EFNA2: variants seen among roughly 807,000 people sequenced by gnomAD.
The protein encoded by EFNA2 is ephrin A2.
A neutral mutation model predicts 19.7 loss-of-function variants in EFNA2; 18 were observed. That is an observed-to-expected ratio of 0.91 (90% CI 0.63 to 1.35). EFNA2 has a LOEUF of 1.35. Ranked by LOEUF, EFNA2 falls within the 40% of genes most tolerant of loss-of-function variation. EFNA2 has a pLI of 0.00. For missense variants in EFNA2, 303 were observed against 296.0 expected (o/e 1.02, Z -0.17); for synonymous variants, 187 against 137.8 (o/e 1.36, Z -2.50).
chr19:1,298,364 G>A lies in EFNA2; in HGVS notation c.455-187G>A, dbSNP rs73494699. ...GGACAGAAGGAGGAGCAGGGGGAAT[G>A]TGCAGGAGACTGCTGGGAAACAGGG... On this transcript the variant is annotated intron_variant, in intron 2 of 3. Transcript: ENST00000215368. Among the ~76,000 whole-genome samples, 555 of 152,262 alleles carry A rather than the reference G, an allele frequency of 3.6e-3. 3 individuals carry two copies. The highest frequency in any genetic ancestry group is 0.013 in the African/African-American group (535 of 41,558).
At chr19:1,284,609 G>A (rs754175080), upstream of EFNA2, among the ~76,000 whole-genome samples, 6 of 152,208 alleles carry the variant, frequency 3.9e-5, no homozygotes, top group Non-Finnish European at 7.3e-5. The surrounding 1 kb of genome is among the most constrained non-coding windows in gnomAD (Gnocchi z 5.3). Context: ...AGGAGGGCAC[G>A]CAGGAGACAC....
In EFNA2 at chr19:1,294,055, C is replaced by T. The variant is rs1196191776; in HGVS notation, c.141-1490C>T. 1.3e-5 allele frequency among the ~76,000 whole-genome samples: 2 copies of T among 152,254 alleles called. No individual in the cohort carries two copies. The highest frequency in any genetic ancestry group is 2.9e-5 in the Non-Finnish European group (2 of 68,040). ...GGCTGTGCCGGGCTAGAGGCAGTGCCAGGGCCGGGATCGTAGCAGCCTGCA... is the reference window on the plus strand; with the variant it reads ...GGCTGTGCCGGGCTAGAGGCAGTGCTAGGGCCGGGATCGTAGCAGCCTGCA... On this transcript the variant is annotated intron_variant, in intron 1 of 3. Coordinates refer to ENST00000215368, the MANE Select transcript of EFNA2 (RefSeq NM_001405.4). This position sits in a 1 kb window ranked among gnomAD's most constrained non-coding sequence, Gnocchi z 5.8.
rs188485435 is a variant in EFNA2 at position 1,298,134 on chromosome 19, C to T, written c.455-417C>T. Among the ~76,000 whole-genome samples, 121 of 148,948 alleles carry T rather than the reference C, an allele frequency of 8.1e-4. No homozygotes were observed. In the Middle Eastern group the frequency reaches 0.014, roughly 17 times the overall value. On this transcript the variant is annotated intron_variant, in intron 2 of 3. Transcript: ENST00000215368. ...CCAGAGAATCTACTGTGTTGCCAGG[C>T]GAGGTCCAGAGAGGGAGCGGCTTGT...
Position 1,294,156 on chromosome 19 carries a change from G to T in EFNA2, c.141-1389G>T, listed in dbSNP as rs2081503659. On this transcript the variant is annotated intron_variant, in intron 1 of 3. Transcript: ENST00000215368. The surrounding 1 kb of genome is among the most constrained non-coding windows in gnomAD (Gnocchi z 5.8). The stretch of plus-strand genomic sequence containing the variant: ...GGAGGGAGGAGGCAGGAGCGGTGTG[G>T]GGGACCCCCCATTCCTCCCTGTTCA... 6.6e-6 allele frequency among the ~76,000 whole-genome samples: 1 copy of T among 152,196 alleles called. No individual in the cohort carries two copies. Among genetic ancestry groups the T allele is most frequent in the Non-Finnish European group, 1.5e-5 (1 of 68,018 alleles).
chr19:1,292,913 G>A (rs2081498116), intron 1 of EFNA2, among the ~76,000 whole-genome samples: 1 of 152,202 alleles, frequency 6.6e-6, no homozygotes, highest in South Asian at 2.1e-4. Flanking sequence ...AACAGGAGGA[G>A]AGAACACAGT....
chr19:1,285,165 C>T (rs1026673854), upstream of EFNA2, among the ~76,000 whole-genome samples: 9 of 152,228 alleles, frequency 5.9e-5, no homozygotes, highest in South Asian at 2.1e-4. This position sits in a 1 kb window ranked among gnomAD's most constrained non-coding sequence, Gnocchi z 4.1. Flanking sequence ...AATCACTCGG[C>T]GTTCCCTGAA....
chr19:1,295,585 G>A lies in EFNA2; in HGVS notation c.181G>A (p.Val61Met). 6.2e-7 allele frequency: 1 copy of A among 1,610,032 alleles called. No individual in the cohort carries two copies. The highest frequency in any genetic ancestry group is 8.5e-7 in the Non-Finnish European group (1 of 1,178,874). Residue 61 changes from valine (V) to methionine (M), a missense_variant, in exon 2 of 4, where the codon GTG becomes ATG. Val to Met is a conservative substitution (Grantham distance 21, BLOSUM62 1). Transcript: ENST00000215368. This position sits in a 1 kb window ranked among gnomAD's most constrained non-coding sequence, Gnocchi z 5.8. ...GAGDDGGGYTVEVSINDYLDI... is the reference protein window; with the variant it reads ...GAGDDGGGYTMEVSINDYLDI... ...GGGGGACGACGGCGGGGGCTACACGGTGGAGGTGAGCATCAATGACTACCT... is the reference window on the plus strand; with the variant it reads ...GGGGGACGACGGCGGGGGCTACACGATGGAGGTGAGCATCAATGACTACCT...
At chr19:1,291,880 G>A (rs923107093) in intron 1 of EFNA2, among the ~76,000 whole-genome samples, 2 of 152,252 alleles carry the variant, frequency 1.3e-5, no homozygotes, top group Admixed American at 6.5e-5. Flanking sequence ...GCCTCTGCCT[G>A]GGGCCTGGAG....
Position 1,286,242 on chromosome 19 carries a change from G to T in EFNA2, c.74G>T (p.Arg25Leu). 1 of 1,130,440 alleles carries T rather than the reference G, an allele frequency of 8.8e-7. No individual in the cohort carries two copies. The highest frequency in any genetic ancestry group is 1.1e-6 in the Non-Finnish European group (1 of 908,216). 70.0% of individuals were successfully genotyped at this position (1,130,440 alleles called of 1,614,324 possible). Residue 25 changes from arginine to leucine, a missense_variant, in exon 1 of 4, where the codon CGC becomes CTC. Transcript: ENST00000215368. The surrounding 1 kb of genome is among the most constrained non-coding windows in gnomAD (Gnocchi z 5.6). ...LLPLPPPPFA[R>L]AEDAARANSD... ...CCGCTGCCGCCGCCGCCCTTCGCGC[G>T]CGCCGAGGACGCCGCCCGCGCCAAC...
At position 1,297,588 on chromosome 19, in the gene EFNA2, G is replaced by A. The variant is rs1235290553; in HGVS notation, c.455-963G>A. Among the ~76,000 whole-genome samples the A allele has an allele frequency of 6.6e-6, 1 of 152,032 alleles. No homozygotes were observed. Among genetic ancestry groups the A allele is most frequent in the Non-Finnish European group, 1.5e-5 (1 of 67,994 alleles). ...AGACAGCAAGACCACATCCATGTGT[G>A]CGTGCACATGGACCCACCCCTGTTC... On this transcript the variant is annotated intron_variant, in intron 2 of 3. Transcript: ENST00000215368. The surrounding 1 kb of genome is among the most constrained non-coding windows in gnomAD (Gnocchi z 5.0).
Position 1,286,200 on chromosome 19 carries a change from T to G in EFNA2, c.32T>G (p.Leu11Arg), listed in dbSNP as rs1168478286. 9.4e-7 allele frequency: 1 copy of G among 1,066,938 alleles called. No individual in the cohort carries two copies. The highest frequency in any genetic ancestry group is 1.1e-6 in the Non-Finnish European group (1 of 877,540). The allele number at this position is 1,066,938 out of a possible 1,614,324, so 66.1% of individuals were successfully genotyped here. The stretch of plus-strand genomic sequence containing the variant: ...CCCGCGCAGCGCCCGCTGCTCCCGC[T>G]GCTGCTCCTGCTGTTACCGCTGCCG... Reference protein sequence around the residue: MAPAQRPLLPLLLLLLPLPPP... With the variant: MAPAQRPLLPRLLLLLPLPPP... Residue 11 changes from leucine (L) to arginine (R), a missense_variant, in exon 1 of 4, where the codon CTG becomes CGG. Physicochemically the swap from Leu to Arg is moderately radical, Grantham distance 102 (BLOSUM62 -2). Transcript: ENST00000215368. This position sits in a 1 kb window ranked among gnomAD's most constrained non-coding sequence, Gnocchi z 5.6.
At chr19:1,293,582 C>T (rs2081501154) in intron 1 of EFNA2, among the ~76,000 whole-genome samples, 2 of 152,184 alleles carry the variant, frequency 1.3e-5, no homozygotes, top group Admixed American at 1.3e-4. Flanking sequence ...TTCCGAAGCC[C>T]CGGAAGGGCC....
rs1013975309 is a variant in EFNA2, at chr19:1,301,154, T to C, written c.*1209T>C. On this transcript the variant is annotated 3_prime_UTR_variant, in exon 4 of 4. Transcript: ENST00000215368. ...AAACTCCTCCCCGAAGACACTTTAA[T>C]GAAGGAAACAACACATTTATACGGA... Among the ~76,000 whole-genome samples the C allele has an allele frequency of 2.0e-5, 3 of 150,372 alleles. No individual in the cohort carries two copies. Among genetic ancestry groups the C allele is most frequent in the Admixed American group, 1.3e-4 (2 of 15,112 alleles).
At chr19:1,285,521 CGA>C (rs1402938007), upstream of EFNA2, among the ~76,000 whole-genome samples, 1 of 152,156 alleles carries the variant, frequency 6.6e-6, no homozygotes, top group Non-Finnish European at 1.5e-5. The surrounding 1 kb of genome is among the most constrained non-coding windows in gnomAD (Gnocchi z 4.1). Context: ...TGGAGTTGGC[CGA>C]GCCCGATTTG....
chr19:1,285,849 C>G (rs1453016946), upstream of EFNA2, among the ~76,000 whole-genome samples: 1 of 147,126 alleles, frequency 6.8e-6, no homozygotes, highest in Non-Finnish European at 1.5e-5. The surrounding 1 kb of genome is among the most constrained non-coding windows in gnomAD (Gnocchi z 4.1). Flanking sequence ...GCGGCCCTCC[C>G]GACGCTCGGG....
chr19:1,299,504 C>T (rs1220699855), intron 3 of EFNA2, among the ~76,000 whole-genome samples: 1 of 151,704 alleles, frequency 6.6e-6, no homozygotes, highest in African/African-American at 2.4e-5. Flanking sequence ...TGCAGTGAGC[C>T]CAGATTGCGC....
In EFNA2 at chr19:1,287,710, C is replaced by T. The variant is rs58582970; in HGVS notation, c.140+1402C>T. Among the ~76,000 whole-genome samples the T allele has an allele frequency of 9.4e-3, 1,439 of 152,314 alleles. 27 individuals carry two copies. The highest frequency in any genetic ancestry group is 0.033 in the African/African-American group (1,369 of 41,570). On this transcript the variant is annotated intron_variant, in intron 1 of 3. Transcript: ENST00000215368. The surrounding 1 kb of genome is among the most constrained non-coding windows in gnomAD (Gnocchi z 6.2). ...CCCACCTCAGAGCGGGTCCCCGAGC[C>T]GCCCGCTGTGCTGGTCACATGTGGG... is the stretch of plus-strand genomic sequence containing the variant.
At chr19:1,298,447 TGG>T in intron 2 of EFNA2, 102 bp from the exon 3 acceptor site, 1 of 1,172,920 alleles carries the variant, frequency 8.5e-7, no homozygotes, top group Non-Finnish European at 1.2e-6. Context: ...GCTCTCCACC[TGG>T]GGTCAGGGTT....
At chr19:1,285,196 T>C (rs1467277815), upstream of EFNA2, among the ~76,000 whole-genome samples, 1 of 152,248 alleles carries the variant, frequency 6.6e-6, no homozygotes, top group East Asian at 1.9e-4. This position sits in a 1 kb window ranked among gnomAD's most constrained non-coding sequence, Gnocchi z 4.1. Context: ...CCCGGGTCTT[T>C]GCACAAGCTG....
Sources: gnomAD v4.1 joint callset for allele counts (sites outside exome capture counted in the v4.1 genomes callset) on GRCh38, gnomAD v4.1.1 for gene constraint, Gnocchi (gnomAD v3.1) non-coding constraint, MANE v1.5 for transcripts, NCBI Gene and HGNC (gene_info 2026-07-23, HGNC 2026-07-21) for gene names.